The following RCOR1 variants were observed in gnomAD, a reference collection of about 807,000 sequenced individuals.
The protein encoded by RCOR1 is REST corepressor.
A neutral mutation model predicts 64.0 loss-of-function variants in RCOR1; 12 were observed. That is an observed-to-expected ratio of 0.19 (90% confidence interval 0.12 to 0.30). The LOEUF (loss-of-function observed/expected upper bound fraction) is 0.30. Among genes scored for constraint, RCOR1 ranks in the 10% least tolerant of loss-of-function variants. The pLI is 1.00. For synonymous variants in RCOR1, 279 were observed against 227.2 expected (o/e 1.23, Z -2.05); for missense variants, 502 against 621.2 (o/e 0.81, Z 2.04).
At chr14:102,657,723 A>C in intron 2 of RCOR1, 1 of 398,112 alleles carries the variant, frequency 2.5e-6, no homozygotes, top group Non-Finnish European at 3.4e-6. Flanking sequence ...CTGTAATCCC[A>C]GCTACTGGGG....
intron 2 of RCOR1, among the ~76,000 whole-genome samples, chr14:102,671,797 A>G (rs1895036805): frequency 6.6e-6 from 1 of 152,238 alleles, no homozygotes; most frequent in African/African-American, 2.4e-5. Flanking sequence ...AATTTAAAAC[A>G]TTTTATCATC....
At position 102,638,660 on chromosome 14, in the gene RCOR1, TTTTTC is replaced by T. The variant is rs149391607; in HGVS notation, c.362-43220_362-43216del. On this transcript the variant is annotated intron_variant, in intron 2 of 11. Transcript: ENST00000262241. ...CTCGCCTGGCCTATAGTAGTGTTTT[TTTTTC>T]TTTTCTTTTCTTTTTTTCTTGAGAC... Among the ~76,000 whole-genome samples the T allele has an allele frequency of 6.7e-3, 1,014 of 152,152 alleles. 12 individuals carry two copies. Among genetic ancestry groups the T allele is most frequent in the African/African-American group, 0.023 (961 of 41,528 alleles).
intron 2 of RCOR1, among the ~76,000 whole-genome samples, chr14:102,669,131 G>C (rs1894977546): frequency 6.6e-6 from 1 of 152,094 alleles, no homozygotes; most frequent in South Asian, 2.1e-4. Context: ...CCAACATGGA[G>C]AAACCCTGTC....
chr14:102,612,832 C>G (rs1893659439), intron 2 of RCOR1, among the ~76,000 whole-genome samples: 1 of 151,452 alleles, frequency 6.6e-6, no homozygotes, highest in Admixed American at 6.6e-5. Flanking sequence ...CTACGTGCAC[C>G]TGTAGTCCTG....
At chr14:102,694,883 A>T (rs1158671947) in intron 3 of RCOR1, among the ~76,000 whole-genome samples, 1 of 152,236 alleles carries the variant, frequency 6.6e-6, no homozygotes, top group African/African-American at 2.4e-5. Context: ...CAGTTGAGTG[A>T]TGAGAGAGAA....
chr14:102,599,098 C>T (rs1893330283), intron 2 of RCOR1, among the ~76,000 whole-genome samples: 1 of 151,774 alleles, frequency 6.6e-6, no homozygotes, highest in South Asian at 2.1e-4. Flanking sequence ...CAAAGCATCA[C>T]TTATTTTGAA....
chr14:102,664,191 C>T (rs1219267627), intron 2 of RCOR1, among the ~76,000 whole-genome samples: 1 of 152,156 alleles, frequency 6.6e-6, no homozygotes, highest in East Asian at 1.9e-4. Flanking sequence ...TGTCAACCTC[C>T]GCCTCCTGGG....
At chr14:102,652,430 C>T (rs1213830514) in intron 2 of RCOR1, among the ~76,000 whole-genome samples, 3 of 152,210 alleles carry the variant, frequency 2.0e-5, no homozygotes, top group East Asian at 3.8e-4. Flanking sequence ...CAAACACTCT[C>T]TCCTCTAGTC....
At position 102,729,589 on chromosome 14, in the gene RCOR1, T is replaced by G. The variant is rs911633485; in HGVS notation, c.*3083T>G. The G allele has an allele frequency of 1.4e-5, 5 of 345,048 alleles. No individual in the cohort carries two copies. Among genetic ancestry groups the G allele is most frequent in the South Asian group, 1.5e-4 (1 of 6,580 alleles). The allele number at this position is 345,048 out of a possible 1,614,324, so 21.4% of individuals were successfully genotyped here. A position where few individuals can be genotyped will look rare whatever the true frequency, so the allele number is the denominator to read the frequency against. On this transcript the variant is annotated 3_prime_UTR_variant, in exon 12 of 12. Transcript: ENST00000262241. ...ACACAAAACAAACATGAAAAGGTAG[T>G]TAGTTGGGTTGTAACAGCTTACTGG...
At chr14:102,656,752 C>T (rs1368604457) in intron 2 of RCOR1, among the ~76,000 whole-genome samples, 1 of 148,646 alleles carries the variant, frequency 6.7e-6, no homozygotes, top group Non-Finnish European at 1.5e-5. Context: ...ACTCCCACAG[C>T]ACCTGCTCAG....
At chr14:102,665,474 T>C (rs1033789837) in intron 2 of RCOR1, among the ~76,000 whole-genome samples, 1 of 152,186 alleles carries the variant, frequency 6.6e-6, no homozygotes, top group Non-Finnish European at 1.5e-5. Context: ...TTTCAATTTG[T>C]GATACATTTA....
chr14:102,721,956 T>G (rs1423406142), intron 10 of RCOR1, among the ~76,000 whole-genome samples: 3 of 152,210 alleles, frequency 2.0e-5, no homozygotes, highest in Admixed American at 6.5e-5. Context: ...TGACTTCAGC[T>G]GTTATGTGAC....
At chr14:102,715,628 C>T (rs563775610) in intron 8 of RCOR1, among the ~76,000 whole-genome samples, 2 of 152,194 alleles carry the variant, frequency 1.3e-5, no homozygotes, top group Non-Finnish European at 2.9e-5. Flanking sequence ...AGTGATCTGC[C>T]CGCCTCAGCC....
At chr14:102,675,887 C>G (rs1895135344) in intron 2 of RCOR1, among the ~76,000 whole-genome samples, 2 of 152,156 alleles carry the variant, frequency 1.3e-5, no homozygotes, top group Non-Finnish European at 2.9e-5. Context: ...GCTTCTTTCA[C>G]TCACTGTAAT....
At chr14:102,624,814 T>C (rs923624056) in intron 2 of RCOR1, among the ~76,000 whole-genome samples, 2 of 151,786 alleles carry the variant, frequency 1.3e-5, no homozygotes, top group African/African-American at 2.4e-5. Context: ...AGCCTCTTAA[T>C]GGCCCCCTCT....
At chr14:102,597,817 A>AT (rs563390894) in intron 2 of RCOR1, among the ~76,000 whole-genome samples, 19,403 of 135,230 alleles carry the variant, frequency 0.14, 1,632 homozygotes, top group African/African-American at 0.25. Flanking sequence ...TATTTTTGCA[A>AT]TTTTTTTTTT....
At chr14:102,721,124 G>A in intron 9 of RCOR1, 40 bp downstream of exon 9, 2 of 1,268,470 alleles carry the variant, frequency 1.6e-6, no homozygotes, top group Non-Finnish European at 2.3e-6. Context: ...TCATATTCAA[G>A]TTTTACATGT....
At position 102,718,366 on chromosome 14, in the gene RCOR1, G is replaced by A. The variant is rs372443262; in HGVS notation, c.1054-2641G>A. On this transcript the variant is annotated intron_variant, in intron 8 of 11. Coordinates refer to ENST00000262241, the MANE Select transcript of RCOR1 (RefSeq NM_015156.4). ...CGGAAGCTCCTTAGCTGAATTCTGTGTGCCCGTGCGTTGCGTACTGCTCTT... is the reference window on the plus strand; with the variant it reads ...CGGAAGCTCCTTAGCTGAATTCTGTATGCCCGTGCGTTGCGTACTGCTCTT... 6.6e-5 allele frequency among the ~76,000 whole-genome samples: 10 copies of A among 152,180 alleles called. No individual in the cohort carries two copies. The South Asian group carries it at 2.1e-3, about 32-fold the overall frequency.
At chr14:102,687,053 C>G (rs548060684) in intron 3 of RCOR1, among the ~76,000 whole-genome samples, 54 of 152,270 alleles carry the variant, frequency 3.5e-4, no homozygotes, top group Admixed American at 2.1e-3. Flanking sequence ...CAAGTTCTGT[C>G]CAAAAGTATC....
Sources: allele counts gnomAD v4.1 joint callset (sites outside exome capture counted in the v4.1 genomes callset), GRCh38; gene constraint gnomAD v4.1.1; transcripts MANE v1.5; gene names NCBI Gene and HGNC (gene_info 2026-07-23, HGNC 2026-07-21).